Variants in ITIH3 observed in about 807,000 individuals in gnomAD.
The protein encoded by ITIH3 is inter-alpha-trypsin inhibitor heavy chain H3.
Under a neutral mutation model 96.5 loss-of-function variants are expected in ITIH3, and 81 were observed. That is an observed-to-expected ratio of 0.84 (90% CI 0.70 to 1.01). The LOEUF is 1.01. ITIH3 is among the 50% of genes least tolerant of loss of function. The pLI is 0.00. For synonymous variants in ITIH3, 422 were observed against 445.2 expected, an observed-to-expected ratio of 0.95 and a Z score of 0.66; for missense variants, 1,057 against 1,139.3, an observed-to-expected ratio of 0.93 and a Z score of 1.04.
At chr3:52,807,254 G>A (rs1700091784) in intron 19 of ITIH3, 149 bp downstream of exon 19, 3 of 762,818 alleles carry the variant, frequency 3.9e-6, no homozygotes, top group East Asian at 2.7e-5. Context: ...TGTCACAGGG[G>A]AGGGTGACCA....
chr3:52,800,493 C>A (rs1346731615), intron 9 of ITIH3, 45 bp from the exon 10 acceptor site: 1 of 1,549,828 alleles, frequency 6.5e-7, no homozygotes, highest in East Asian at 2.4e-5. Flanking sequence ...TGCACACTGG[C>A]ACCCTGAGGA....
At position 52,802,710 on chromosome 3, in the gene ITIH3, A is replaced by G. The variant is rs1699883046; in HGVS notation, c.1613A>G (p.Glu538Gly). 6.2e-7 allele frequency: 1 copy of G among 1,613,800 alleles called. No individual in the cohort carries two copies. Among genetic ancestry groups the G allele is most frequent in the Non-Finnish European group, 8.5e-7 (1 of 1,179,868 alleles). The change falls in exon 13 of 22, where the codon GAG becomes GGG. Residue 538 changes from glutamate (E) to glycine (G), a missense_variant. Glu to Gly is a moderately conservative substitution (Grantham distance 98). Coordinates refer to ENST00000449956, the MANE Select transcript of ITIH3 (RefSeq NM_002217.4). ...LTFTEEVDMK[E>G]MEKALQERDY... is the part of the protein sequence containing the mutation. Reference sequence around the variant, plus strand: ...TTCACAGAGGAGGTGGACATGAAGGAGATGGAGAAGGCCCTGCAGGAGCGG... The same window carrying G: ...TTCACAGAGGAGGTGGACATGAAGGGGATGGAGAAGGCCCTGCAGGAGCGG...
At chr3:52,804,678 T>C in intron 14 of ITIH3, 48 bp from the exon 15 acceptor site, 1 of 1,563,892 alleles carries the variant, frequency 6.4e-7, no homozygotes, top group Non-Finnish European at 8.7e-7. Context: ...ACAAGTGCCC[T>C]ATGGCTTCTA....
At chr3:52,800,889 C>T (rs777707041) in intron 10 of ITIH3, 76 bp from the exon 11 acceptor site, 484 of 1,570,916 alleles carry the variant, frequency 3.1e-4, no homozygotes, top group Non-Finnish European at 2.4e-4. Context: ...TGCAGGAGTC[C>T]GGTCTCCCCA....
At chr3:52,804,953 A>G (rs1382125664) in intron 15 of ITIH3, 26 of 610,464 alleles carry the variant, frequency 4.3e-5, no homozygotes, top group South Asian at 3.2e-4. Context: ...CCAGGGAGAC[A>G]CAATCAGTAT....
chr3:52,796,417 C>G, intron 2 of ITIH3, 64 bp from the exon 3 acceptor site: 1 of 1,476,840 alleles, frequency 6.8e-7, no homozygotes, highest in South Asian at 1.2e-5. Context: ...AGGGAGGTGG[C>G]TGGGTTGCAA....
intron 1 of ITIH3, 44 bp downstream of exon 1, chr3:52,794,940 G>A (rs1246434578): frequency 6.8e-7 from 1 of 1,477,372 alleles, no homozygotes; most frequent in Non-Finnish European, 9.5e-7. Context: ...GGTGTGGAAT[G>A]GGCAGAAGGC....
chr3:52,806,297 CG>C lies in ITIH3; in HGVS notation c.1951del (p.Asp651IlefsTer76), dbSNP rs1553624057. 1 of 1,613,168 alleles carries C rather than the reference CG, an allele frequency of 6.2e-7. No homozygotes were observed. The highest frequency in any genetic ancestry group is 8.5e-7 in the Non-Finnish European group (1 of 1,179,448). On this transcript the variant is annotated frameshift_variant, in exon 18 of 22. Coordinates refer to ENST00000449956, the MANE Select transcript of ITIH3 (RefSeq NM_002217.4). LOFTEE classifies it high-confidence loss of function. ...CCTTCTCTAATGTGTCACCAGTGGA[CG>C]GGGATCCCCACTTCATCATCCAAAT... ...PPQNPYYYVDGDPHFIIQIPE... is the reference protein window; with the variant it reads ...PPQNPYYYVDXDPHFIIQIPE...
chr3:52,804,854 C>A, intron 15 of ITIH3, 120 bp downstream of exon 15: 1 of 1,142,160 alleles, frequency 8.8e-7, no homozygotes, highest in Non-Finnish European at 1.3e-6. Context: ...GACACCTGGG[C>A]TCAGGCCCAG....
rs371357323 is a variant in ITIH3, at chr3:52,802,831, T to C, written c.1709+25T>C. 21 of 1,612,762 alleles carry C rather than the reference T, an allele frequency of 1.3e-5. No individual in the cohort carries two copies. The African/African-American group carries it at 2.5e-4, about 19-fold the overall frequency. On this transcript the variant is annotated intron_variant, in intron 13 of 21. Coordinates refer to ENST00000449956, the MANE Select transcript of ITIH3 (RefSeq NM_002217.4). ...GGTGAGCAGAGTCCCAGCCCCCACC[T>C]GTGCCTACCCCTGGCTGGGCTCCAA...
intron 2 of ITIH3, chr3:52,795,856 C>T (rs1056799744): frequency 2.2e-5 from 12 of 535,718 alleles, no homozygotes; most frequent in Admixed American, 3.3e-5. Flanking sequence ...CACAGGCATC[C>T]CTTCCTTCCG....
chr3:52,806,671 G>C (rs1700062889), intron 18 of ITIH3, among the ~76,000 whole-genome samples: 1 of 152,168 alleles, frequency 6.6e-6, no homozygotes, highest in African/African-American at 2.4e-5. Flanking sequence ...GCTTTTCTCT[G>C]AACAACACTC....
At chr3:52,805,682 C>T in intron 15 of ITIH3, 126 bp from the exon 16 acceptor site, 2 of 1,533,304 alleles carry the variant, frequency 1.3e-6, no homozygotes, top group East Asian at 4.6e-5. Context: ...GTAGTCACAT[C>T]TCCACCTCTA....
intron 13 of ITIH3, 108 bp downstream of exon 13, chr3:52,802,914 AG>A: frequency 7.6e-7 from 1 of 1,323,310 alleles, no homozygotes; most frequent in Non-Finnish European, 1.0e-6. Context: ...GGGCCAGCCC[AG>A]GAAGTGTCTG....
chr3:52,806,018 G>A lies in ITIH3; in HGVS notation c.1907-85G>A, dbSNP rs960839130. On this transcript the variant is annotated intron_variant, in intron 16 of 21. Coordinates refer to ENST00000449956, the MANE Select transcript of ITIH3 (RefSeq NM_002217.4). Reference sequence around the variant, plus strand: ...AGCGAGCGGGAAGGGGAGGGGAGGGGCATAAGCTGAACTCCTATGGGGGTC... The same window carrying A: ...AGCGAGCGGGAAGGGGAGGGGAGGGACATAAGCTGAACTCCTATGGGGGTC... 6 of 1,505,066 alleles carry A rather than the reference G, an allele frequency of 4.0e-6. No individual in the cohort carries two copies. In the African/African-American group the frequency reaches 4.3e-5, roughly 11 times the overall value. The allele number at this position is 1,505,066 out of a possible 1,614,324, so 93.2% of individuals were successfully genotyped here.
chr3:52,804,720 C>A lies in ITIH3; in HGVS notation c.1865-6C>A. 1 of 1,586,112 alleles carries A rather than the reference C, an allele frequency of 6.3e-7. No individual in the cohort carries two copies. The highest frequency in any genetic ancestry group is 2.3e-5 in the East Asian group (1 of 43,818). On this transcript the variant is annotated splice_region_variant and splice_polypyrimidine_tract_variant and intron_variant, in intron 14 of 21. Coordinates refer to ENST00000449956, the MANE Select transcript of ITIH3 (RefSeq NM_002217.4). ...TTCTCTTCTTCCTCCCTTGCTGCAC[C>A]TGCAGATGCAGAAGGTAAGCCTTTA... is the stretch of plus-strand genomic sequence containing the variant.
intron 19 of ITIH3, among the ~76,000 whole-genome samples, 164 bp from the exon 20 acceptor site, chr3:52,807,583 G>C (rs1423077434): frequency 6.6e-6 from 1 of 152,246 alleles, no homozygotes; most frequent in African/African-American, 2.4e-5. Flanking sequence ...AGGGGAGACA[G>C]TGTGCATGAG....
intron 14 of ITIH3, chr3:52,804,253 C>T (rs1699957512): frequency 1.8e-6 from 1 of 557,450 alleles, no homozygotes; most frequent in African/African-American, 1.9e-5. Context: ...AGGGGGCACA[C>T]TGCCCATGGG....
chr3:52,800,537 G>A lies in ITIH3; in HGVS notation c.1076-1G>A. Reference sequence around the variant, plus strand: ...CACGGTGCTGTCTGTCTGTGTCCCAGTGACCAACATCAATGACGGGCTGCT... The same window carrying A: ...CACGGTGCTGTCTGTCTGTGTCCCAATGACCAACATCAATGACGGGCTGCT... On this transcript the variant is annotated splice_acceptor_variant, in intron 9 of 21. Coordinates refer to ENST00000449956, the MANE Select transcript of ITIH3 (RefSeq NM_002217.4). LOFTEE classifies it high-confidence loss of function. 1.9e-6 allele frequency: 3 copies of A among 1,554,046 alleles called. No individual in the cohort carries two copies. The highest frequency in any genetic ancestry group is 2.6e-6 in the Non-Finnish European group (3 of 1,148,274).
Sources: gnomAD v4.1 joint callset for allele counts (sites outside exome capture counted in the v4.1 genomes callset) on GRCh38, gnomAD v4.1.1 for gene constraint, MANE v1.5 for transcripts, NCBI Gene and HGNC (gene_info 2026-07-23, HGNC 2026-07-21) for gene names.